PCDHGB7: variants seen among roughly 807,000 people sequenced by gnomAD.
The protein encoded by PCDHGB7 is protocadherin gamma subfamily B, 7, also known as protocadherin gamma-B7.
Under a neutral mutation model 61.4 loss-of-function variants are expected in PCDHGB7, and 37 were observed. The ratio of observed to expected loss-of-function variants is 0.60; its 90% CI spans 0.46 to 0.79. The LOEUF (loss-of-function observed/expected upper bound fraction) is 0.79, where lower values mean the gene tolerates loss of function less well. Among genes scored for constraint, PCDHGB7 ranks in the 30% least tolerant of loss-of-function variants. The pLI is 0.00. For synonymous variants in PCDHGB7, 464 were observed against 503.5 expected, an observed-to-expected ratio of 0.92 and a Z score of 1.05; for missense variants, 1,166 against 1,202.5, an observed-to-expected ratio of 0.97 and a Z score of 0.45.
intron 1 of PCDHGB7, among the ~76,000 whole-genome samples, chr5:141,434,467 T>C (rs1397980716): frequency 6.6e-6 from 1 of 152,226 alleles, no homozygotes; most frequent in Non-Finnish European, 1.5e-5. Flanking sequence ...TTTACCGGAA[T>C]GAGGGCAAGG....
rs377060474 is a variant in PCDHGB7, at chr5:141,487,810, C to A, written c.2416-6997C>A. The A allele has an allele frequency of 7.4e-4, 1,055 of 1,417,844 alleles. 13 individuals carry two copies. In the South Asian group the frequency reaches 0.013, roughly 17 times the overall value. The allele number at this position is 1,417,844 out of a possible 1,614,324, so 87.8% of individuals were successfully genotyped here. A position where few individuals can be genotyped will look rare whatever the true frequency, so the allele number is the denominator to read the frequency against. ...ATTAACCAGAGTTGTCACAGTTTAG[C>A]ATTGGGGGCGGGTCATGCCTATATC... On this transcript the variant is annotated intron_variant, in intron 1 of 3. Transcript: ENST00000398594. The surrounding 1 kb of genome is among the most constrained non-coding windows in gnomAD (Gnocchi z 5.0).
intron 1 of PCDHGB7, chr5:141,478,776 A>G (rs961079570): frequency 1.3e-6 from 2 of 1,488,690 alleles, no homozygotes; most frequent in East Asian, 2.5e-5. Flanking sequence ...TCATCTGTGG[A>G]CCTAATTCAC....
chr5:141,473,796 G>A (rs2099328996), intron 1 of PCDHGB7, among the ~76,000 whole-genome samples: 1 of 152,224 alleles, frequency 6.6e-6, no homozygotes, highest in African/African-American at 2.4e-5. Context: ...GCAGTATGAT[G>A]CTACTGAGGA....
intron 1 of PCDHGB7, chr5:141,478,150 C>T (rs569939900): frequency 6.2e-7 from 1 of 1,614,086 alleles, no homozygotes; most frequent in African/African-American, 1.3e-5. Flanking sequence ...CCGAGTTCCC[C>T]TCTGGCTCTG....
intron 1 of PCDHGB7, chr5:141,422,094 T>C: frequency 1.2e-6 from 2 of 1,610,648 alleles, no homozygotes; most frequent in Non-Finnish European, 1.7e-6. Flanking sequence ...AAAGCAAGGC[T>C]TCTGAAATAT....
In PCDHGB7 at chr5:141,419,358, C is replaced by A. The variant is rs569760413; in HGVS notation, c.1499C>A (p.Thr500Lys). The change falls in exon 1 of 4, where the codon ACG becomes AAG. Residue 500 changes from threonine to lysine, a missense_variant. Thr to Lys is a moderately conservative substitution (Grantham distance 78). Coordinates refer to ENST00000398594, the MANE Select transcript of PCDHGB7 (RefSeq NM_018927.4). ...ATTGCCAGCGACCTGGAGTCACGAA[C>A]GCTGTCGTCCTACGTGTCCGTGAGC... ...SLIASDLESR[T>K]LSSYVSVSAQ... is the part of the protein sequence containing the mutation. 1 of 1,613,810 alleles carries A rather than the reference C, an allele frequency of 6.2e-7. No individual in the cohort carries two copies. The highest frequency in any genetic ancestry group is 1.1e-5 in the South Asian group (1 of 91,088).
chr5:141,462,656 A>G (rs1427673992), intron 1 of PCDHGB7, among the ~76,000 whole-genome samples: 2 of 151,950 alleles, frequency 1.3e-5, no homozygotes, highest in African/African-American at 4.8e-5. Context: ...ATCCTCAATT[A>G]TCTTCATATT....
At chr5:141,499,707 T>G (rs1303008532) in intron 2 of PCDHGB7, among the ~76,000 whole-genome samples, 2 of 150,494 alleles carry the variant, frequency 1.3e-5, no homozygotes, top group African/African-American at 2.5e-5. Flanking sequence ...TTTTTTTTTT[T>G]TTTTGGAGAC....
chr5:141,490,196 A>G lies in PCDHGB7; in HGVS notation c.2416-4611A>G, dbSNP rs748858034. On this transcript the variant is annotated intron_variant, in intron 1 of 3. Coordinates refer to ENST00000398594, the MANE Select transcript of PCDHGB7 (RefSeq NM_018927.4). The surrounding 1 kb of genome is among the most constrained non-coding windows in gnomAD (Gnocchi z 5.4). ...GAGGAGTCACGTTTCTATGAAATTCATGCAAGAGCCCGTGACCAGGGACAG... is the reference window on the plus strand; with the variant it reads ...GAGGAGTCACGTTTCTATGAAATTCGTGCAAGAGCCCGTGACCAGGGACAG... The G allele has an allele frequency of 3.7e-6, 6 of 1,614,196 alleles. No individual in the cohort carries two copies. The highest frequency in any genetic ancestry group is 4.2e-6 in the Non-Finnish European group (5 of 1,180,020).
At chr5:141,433,360 T>C (rs1313053553) in intron 1 of PCDHGB7, 46 of 298,056 alleles carry the variant, frequency 1.5e-4, no homozygotes, top group Non-Finnish European at 2.5e-4. Context: ...ACTGTCTGCC[T>C]ATCTATCTAT....
In PCDHGB7 at chr5:141,430,969, TAGGACGCA is replaced by T. The variant is rs775497521; in HGVS notation, c.2415+10696_2415+10703del. The T allele has an allele frequency of 7.3e-5, 118 of 1,613,012 alleles. 1 individual carries two copies. The Middle Eastern group carries it at 1.8e-3, about 25-fold the overall frequency. On this transcript the variant is annotated intron_variant, in intron 1 of 3. Transcript: ENST00000398594. ...GCGGAGTCCGCATCATCCCCAGAGG[TAGGACGCA>T]GCTTTTCGCCCTGAATCCGCGCAGC...
chr5:141,425,348 A>C (rs2096869744), intron 1 of PCDHGB7, among the ~76,000 whole-genome samples: 1 of 152,242 alleles, frequency 6.6e-6, no homozygotes, highest in Non-Finnish European at 1.5e-5. Context: ...GTTGGCTTTG[A>C]AATGTGATAT....
rs1026815375 is a variant in PCDHGB7, at chr5:141,481,045, G to A, written c.2416-13762G>A. 4.6e-5 allele frequency among the ~76,000 whole-genome samples: 7 copies of A among 152,024 alleles called. No individual in the cohort carries two copies. In the South Asian group the frequency reaches 8.3e-4, roughly 18 times the overall value. ...TGCACTCCAGCCTGGGCGACAGAGCGAGACTCCACCTCAAAAACAAAAAGA... is the reference window on the plus strand; with the variant it reads ...TGCACTCCAGCCTGGGCGACAGAGCAAGACTCCACCTCAAAAACAAAAAGA... On this transcript the variant is annotated intron_variant, in intron 1 of 3. Coordinates refer to ENST00000398594, the MANE Select transcript of PCDHGB7 (RefSeq NM_018927.4).
At chr5:141,488,011 T>C (rs1424799954) in intron 1 of PCDHGB7, among the ~76,000 whole-genome samples, 1 of 152,182 alleles carries the variant, frequency 6.6e-6, no homozygotes, top group Non-Finnish European at 1.5e-5. Context: ...GATTCTGAAG[T>C]ACCTTAACTC....
chr5:141,472,324 G>A (rs1027842697), intron 1 of PCDHGB7, among the ~76,000 whole-genome samples: 2 of 150,650 alleles, frequency 1.3e-5, no homozygotes, highest in African/African-American at 2.4e-5. Flanking sequence ...GGCAGATCAC[G>A]AGGTTGGGAG....
At chr5:141,495,974 CTCTT>C (rs1562171251) in intron 2 of PCDHGB7, among the ~76,000 whole-genome samples, 2 of 152,032 alleles carry the variant, frequency 1.3e-5, no homozygotes, top group Non-Finnish European at 1.5e-5. Context: ...TTCTCTGTTA[CTCTT>C]TCTTTATCTC....
chr5:141,463,467 G>A (rs200270457), intron 1 of PCDHGB7, among the ~76,000 whole-genome samples: 2,116 of 11,250 alleles, frequency 0.19, 39 homozygotes, highest in East Asian at 0.24. Context: ...TTTTTTTTTT[G>A]AGATGGAGTC....
Position 141,486,970 on chromosome 5 carries a change from T to G in PCDHGB7, c.2416-7837T>G, listed in dbSNP as rs754309905. 1 of 1,614,050 alleles carries G rather than the reference T, an allele frequency of 6.2e-7. No individual in the cohort carries two copies. Among genetic ancestry groups the G allele is most frequent in the African/African-American group, 1.3e-5 (1 of 74,904 alleles). ...CAAAGGTGACTGCTGTGGACTTGGATTCAGGTTACAATGCTTGGGTTTCCT... is the reference window on the plus strand; with the variant it reads ...CAAAGGTGACTGCTGTGGACTTGGAGTCAGGTTACAATGCTTGGGTTTCCT... On this transcript the variant is annotated intron_variant, in intron 1 of 3. Coordinates refer to ENST00000398594, the MANE Select transcript of PCDHGB7 (RefSeq NM_018927.4). This position sits in a 1 kb window ranked among gnomAD's most constrained non-coding sequence, Gnocchi z 5.0.
rs2099884413 is a variant in PCDHGB7, at chr5:141,512,781, G to A, written c.*1608G>A. ...CCTTGATCTGCCCGCGGCGGCCCGT[G>A]TTGTGTTTTGTGCTGTGTCCACGCG... is the stretch of plus-strand genomic sequence containing the variant. On this transcript the variant is annotated 3_prime_UTR_variant, in exon 4 of 4. Transcript: ENST00000398594. 1 of 152,534 alleles carries A rather than the reference G, an allele frequency of 6.6e-6. No individual in the cohort carries two copies. Among genetic ancestry groups the A allele is most frequent in the African/African-American group, 2.4e-5 (1 of 41,444 alleles). 9.4% of individuals were successfully genotyped at this position (152,534 alleles called of 1,614,324 possible). A position where few individuals can be genotyped will look rare whatever the true frequency, so the allele number is the denominator to read the frequency against.
Sources: allele counts gnomAD v4.1 joint callset (sites outside exome capture counted in the v4.1 genomes callset), GRCh38; gene constraint gnomAD v4.1.1; non-coding constraint Gnocchi (gnomAD v3.1); transcripts MANE v1.5; gene names NCBI Gene and HGNC (gene_info 2026-07-23, HGNC 2026-07-21).